MED14: variants seen among roughly 807,000 people sequenced by gnomAD.
The protein encoded by MED14 is mediator complex subunit 14.
A neutral mutation model predicts 109.0 loss-of-function variants in MED14; 8 were observed. That is an observed-to-expected ratio of 0.07 (90% CI 0.04 to 0.13). The LOEUF (loss-of-function observed/expected upper bound fraction) is 0.13, where lower values mean the gene tolerates loss of function less well. Among genes scored for constraint, MED14 ranks in the 10% least tolerant of loss-of-function variants. MED14 has a pLI of 1.00. For synonymous variants in MED14, 399 were observed against 408.7 expected (o/e 0.98, Z 0.29); for missense variants, 711 against 1,142.4 (o/e 0.62, Z 5.44).
chrX:40,722,799 C>G (rs1377292492), intron 3 of MED14, among the ~76,000 whole-genome samples: 3 of 111,266 alleles, frequency 2.7e-5, no homozygotes, highest in Non-Finnish European at 3.8e-5. Context: ...ACCTTACAGG[C>G]CAGAAGAGAG....
chrX:40,675,273 C>G lies in MED14; in HGVS notation c.2969G>C (p.Gly990Ala). Reference sequence around the variant, plus strand: ...CGATATTAAAGAATCCATCATATCTCCTCCTATAGGAGAAGGGGGATTATC... The same window carrying G: ...CGATATTAAAGAATCCATCATATCTGCTCCTATAGGAGAAGGGGGATTATC... ...EDDNPPSPIG[G>A]DMMDSLISQL... The change falls in exon 22 of 31, where the codon GGA becomes GCA. Residue 990 changes from glycine to alanine, a missense_variant. By Grantham distance (60) the Gly-to-Ala change is moderately conservative. Transcript: ENST00000324817. 1 of 1,195,088 alleles carries G rather than the reference C, an allele frequency of 8.4e-7. No homozygotes were observed. The highest frequency in any genetic ancestry group is 1.7e-5 in the African/African-American group (1 of 57,331).
intron 13 of MED14, among the ~76,000 whole-genome samples, chrX:40,695,359 T>C (rs1930687576): frequency 8.9e-6 from 1 of 112,169 alleles, no homozygotes; most frequent in Admixed American, 9.5e-5. Flanking sequence ...TAAGGGGATA[T>C]CAACTGCAGC....
chrX:40,651,522 A>G lies in MED14; in HGVS notation c.*284T>C. 1 of 834,964 alleles carries G rather than the reference A, an allele frequency of 1.2e-6. No individual in the cohort carries two copies. The highest frequency in any genetic ancestry group is 1.5e-6 in the Non-Finnish European group (1 of 685,400). The allele number at this position is 834,964 out of a possible 1,213,427, so 68.8% of individuals were successfully genotyped here. A position where few individuals can be genotyped will look rare whatever the true frequency, so the allele number is the denominator to read the frequency against. On this transcript the variant is annotated 3_prime_UTR_variant, in exon 31 of 31. Coordinates refer to ENST00000324817, the MANE Select transcript of MED14 (RefSeq NM_004229.4). ...AATAAACAAGTTTGGCATTTTCATA[A>G]CTTTATAGTATAAAACAGAATATTA...
At chrX:40,657,369 AAGAAG>A (rs1295655202) in intron 28 of MED14, among the ~76,000 whole-genome samples, 5 of 111,379 alleles carry the variant, frequency 4.5e-5, no homozygotes, top group East Asian at 2.8e-4. Flanking sequence ...TGTCCTTTAT[AAGAAG>A]AGAAGAGACA....
At chrX:40,714,753 A>G in intron 3 of MED14, 43 bp from the exon 4 acceptor site, 1 of 1,100,579 alleles carries the variant, frequency 9.1e-7, no homozygotes, top group African/African-American at 1.8e-5. Flanking sequence ...CCTGAAAACT[A>G]TCTCCTTTTC....
chrX:40,729,917 C>T (rs1393204618), intron 1 of MED14, among the ~76,000 whole-genome samples: 1 of 112,144 alleles, frequency 8.9e-6, no homozygotes, highest in African/African-American at 3.2e-5. Context: ...TTTTGCTAGT[C>T]CTCCAATACT....
In MED14 at chrX:40,702,781, G is replaced by C. The variant is rs763821207; in HGVS notation, c.1411+663C>G. ...TAATTAGTTCAGTTTTCCATGAGCA[G>C]CCCATAGAAAAAAAATCTATAGCTA... On this transcript the variant is annotated intron_variant, in intron 11 of 30. Coordinates refer to ENST00000324817, the MANE Select transcript of MED14 (RefSeq NM_004229.4). 1.8e-4 allele frequency among the ~76,000 whole-genome samples: 20 copies of C among 111,435 alleles called. No individual in the cohort carries two copies. In the South Asian group the frequency reaches 7.4e-3, roughly 41 times the overall value.
chrX:40,718,054 G>T (rs1054321932), intron 3 of MED14, among the ~76,000 whole-genome samples: 1 of 111,995 alleles, frequency 8.9e-6, no homozygotes, highest in East Asian at 2.8e-4. Flanking sequence ...TGAGGCTTAG[G>T]TTAAGACACT....
At chrX:40,726,525 C>T (rs1013315715) in intron 3 of MED14, 14 of 307,390 alleles carry the variant, frequency 4.6e-5, no homozygotes, top group African/African-American at 2.7e-4. Context: ...TTTAAAGTCT[C>T]CTCACGTAAT....
At chrX:40,722,728 A>G (rs1931762989) in intron 3 of MED14, among the ~76,000 whole-genome samples, 1 of 111,829 alleles carries the variant, frequency 8.9e-6, no homozygotes, top group Non-Finnish European at 1.9e-5. Flanking sequence ...GCAAGAGAAA[A>G]GAAACAAATA....
chrX:40,705,215 A>T (rs1931093911), intron 10 of MED14, among the ~76,000 whole-genome samples: 1 of 112,569 alleles, frequency 8.9e-6, no homozygotes, highest in Non-Finnish European at 1.9e-5. Context: ...CAAATGTGAA[A>T]CAGAGTTGCT....
intron 28 of MED14, among the ~76,000 whole-genome samples, chrX:40,656,558 G>C (rs959847838): frequency 1.8e-5 from 2 of 112,019 alleles, no homozygotes; most frequent in Non-Finnish European, 3.8e-5. Flanking sequence ...TATATCCTCC[G>C]ACCCAGCAAT....
At chrX:40,692,510 C>G (rs989135480) in intron 14 of MED14, among the ~76,000 whole-genome samples, 193 bp from the exon 15 acceptor site, 4 of 112,034 alleles carry the variant, frequency 3.6e-5, no homozygotes, top group Non-Finnish European at 5.6e-5. Flanking sequence ...CACAAGTTCT[C>G]TCATGGAAAA....
intron 3 of MED14, among the ~76,000 whole-genome samples, chrX:40,725,983 C>T (rs1312627305): frequency 8.9e-6 from 1 of 112,276 alleles, no homozygotes; most frequent in African/African-American, 3.2e-5. Context: ...AGTAAAGTTG[C>T]AGAATACAAA....
intron 2 of MED14, among the ~76,000 whole-genome samples, chrX:40,727,469 G>A (rs1014616692): frequency 9.0e-6 from 1 of 111,231 alleles, no homozygotes; most frequent in Admixed American, 9.6e-5. Flanking sequence ...ATTATGTTGA[G>A]TACTAAAAAT....
intron 21 of MED14, among the ~76,000 whole-genome samples, chrX:40,675,890 CAG>C (rs1440316965): frequency 9.8e-5 from 11 of 112,024 alleles, no homozygotes; most frequent in Non-Finnish European, 1.3e-4. Flanking sequence ...GCAAAGCTAT[CAG>C]AGTTTGTGTT....
intron 26 of MED14, among the ~76,000 whole-genome samples, chrX:40,660,389 T>A (rs750873433): frequency 8.9e-6 from 1 of 111,957 alleles, no homozygotes; most frequent in Non-Finnish European, 1.9e-5. Context: ...AGAGTACAAT[T>A]ACAAAAGGTT....
intron 15 of MED14, among the ~76,000 whole-genome samples, 169 bp from the exon 16 acceptor site, chrX:40,688,699 C>T (rs1359086616): frequency 2.7e-5 from 3 of 112,075 alleles, no homozygotes; most frequent in Non-Finnish European, 3.8e-5. Flanking sequence ...CCCTGGGAAA[C>T]GACATGAAGT....
chrX:40,689,737 G>A (rs1412986206), intron 15 of MED14, among the ~76,000 whole-genome samples: 4 of 111,388 alleles, frequency 3.6e-5, no homozygotes, highest in African/African-American at 1.3e-4. Flanking sequence ...ATGAGATTTA[G>A]TTTTAGTTAT....
Sources: gnomAD v4.1 joint callset for allele counts (sites outside exome capture counted in the v4.1 genomes callset) on GRCh38, gnomAD v4.1.1 for gene constraint, MANE v1.5 for transcripts, NCBI Gene and HGNC (gene_info 2026-07-23, HGNC 2026-07-21) for gene names.